Variants in CCDC170 observed in about 807,000 individuals in gnomAD.
CCDC170 encodes the protein coiled-coil domain containing 170, also known as coiled-coil domain-containing protein 170.
Under a neutral mutation model 72.6 loss-of-function variants are expected in CCDC170, and 69 were observed. The ratio of observed to expected loss-of-function variants is 0.95; its 90% CI spans 0.78 to 1.16. CCDC170 has a LOEUF of 1.16. Ranked by LOEUF, CCDC170 falls within the 50% of genes most tolerant of loss-of-function variation. The pLI is 0.00. For missense variants in CCDC170, 852 were observed against 832.5 expected, an observed-to-expected ratio of 1.02 and a Z score of -0.29; for synonymous variants, 300 against 303.9, an observed-to-expected ratio of 0.99 and a Z score of 0.13.
intron 5 of CCDC170, among the ~76,000 whole-genome samples, chr6:151,570,924 A>T (rs980416722): frequency 6.6e-6 from 1 of 152,220 alleles, no homozygotes; most frequent in Non-Finnish European, 1.5e-5. Context: ...GACCTTGAAA[A>T]GCAAAAGGCA....
At chr6:151,510,674 T>C (rs1240642908) in intron 1 of CCDC170, among the ~76,000 whole-genome samples, 1 of 152,162 alleles carries the variant, frequency 6.6e-6, no homozygotes, top group African/African-American at 2.4e-5. Context: ...AATCGTAAAT[T>C]AGATAGAAAG....
chr6:151,609,314 A>G (rs1333032938), intron 9 of CCDC170, among the ~76,000 whole-genome samples: 1 of 152,124 alleles, frequency 6.6e-6, no homozygotes, highest in Non-Finnish European at 1.5e-5. Flanking sequence ...GTCCTATCCC[A>G]TTCAGAGAGC....
intron 5 of CCDC170, among the ~76,000 whole-genome samples, chr6:151,553,994 C>G (rs1782930468): frequency 6.9e-6 from 1 of 145,896 alleles, no homozygotes; most frequent in South Asian, 2.3e-4. Flanking sequence ...CTACATAACT[C>G]AGCTTTTCTG....
chr6:151,587,071 AC>A (rs756723218), intron 7 of CCDC170, among the ~76,000 whole-genome samples: 5 of 152,216 alleles, frequency 3.3e-5, no homozygotes, highest in Non-Finnish European at 7.4e-5. Context: ...GGTGTGAGCC[AC>A]CGTGCCAGGC....
intron 1 of CCDC170, among the ~76,000 whole-genome samples, chr6:151,514,351 G>A (rs1368559802): frequency 8.6e-6 from 1 of 116,670 alleles, no homozygotes; most frequent in Non-Finnish European, 1.8e-5. Context: ...GAGGGAGGGA[G>A]GGAGGGAGGG....
At chr6:151,564,447 A>G (rs934035627) in intron 5 of CCDC170, among the ~76,000 whole-genome samples, 3 of 151,952 alleles carry the variant, frequency 2.0e-5, no homozygotes, top group Non-Finnish European at 2.9e-5. Flanking sequence ...ATTTGCTGGC[A>G]CTGGTCTTAG....
intron 9 of CCDC170, 113 bp downstream of exon 9, chr6:151,596,690 C>T (rs576235823): frequency 1.4e-6 from 2 of 1,422,896 alleles, no homozygotes; most frequent in South Asian, 1.5e-5. Flanking sequence ...TGAAAGCCTC[C>T]TCTGATTTTC....
Position 151,618,038 on chromosome 6 carries a change from A to G in CCDC170, c.2039A>G (p.Glu680Gly). ...GATTATGAAATCATCAAGTGTCTTG[A>G]AAGATTGGTCCATTCACATCAGCAT... ...LPDYEIIKCL[E>G]RLVHSHQHHF... The change falls in exon 11 of 11, where the codon GAA (glutamate) becomes GGA (glycine). Residue 680 changes from glutamate (E) to glycine (G), a missense_variant. Coordinates refer to ENST00000239374, the MANE Select transcript of CCDC170 (RefSeq NM_025059.4). 6.2e-7 allele frequency: 1 copy of G among 1,614,178 alleles called. No individual in the cohort carries two copies. Among genetic ancestry groups the G allele is most frequent in the Non-Finnish European group, 8.5e-7 (1 of 1,180,030 alleles).
At chr6:151,494,325 T>C in intron 1 of CCDC170, 140 bp downstream of exon 1, 1 of 928,616 alleles carries the variant, frequency 1.1e-6, no homozygotes, top group Non-Finnish European at 1.5e-6. Flanking sequence ...CCGCGAGGGC[T>C]GTGGCCTGGG....
intron 8 of CCDC170, among the ~76,000 whole-genome samples, chr6:151,596,125 T>TC (rs1343666285): frequency 1.3e-5 from 2 of 152,154 alleles, no homozygotes. Context: ...TTTCTGGGGC[T>TC]CTTTTGTCTC....
chr6:151,592,174 A>G (rs1776549870), intron 7 of CCDC170, among the ~76,000 whole-genome samples: 3 of 152,002 alleles, frequency 2.0e-5, no homozygotes, highest in African/African-American at 7.2e-5. Context: ...CCTGGCCAAT[A>G]TGGTGAAACC....
rs570468754 is a variant in CCDC170 at position 151,563,911 on chromosome 6, G to T, written c.775-9263G>T. ...TCTGCAGCTCAGCTTCTTTTTGTGGGCACTCTGACAGGTCCTGGCTCACTT... is the reference window on the plus strand; with the variant it reads ...TCTGCAGCTCAGCTTCTTTTTGTGGTCACTCTGACAGGTCCTGGCTCACTT... On this transcript the variant is annotated intron_variant, in intron 5 of 10. Coordinates refer to ENST00000239374, the MANE Select transcript of CCDC170 (RefSeq NM_025059.4). Among the ~76,000 whole-genome samples the T allele has an allele frequency of 1.0e-3, 154 of 152,204 alleles. 1 individual carries two copies. The highest frequency in any genetic ancestry group is 1.6e-3 in the Non-Finnish European group (109 of 67,998).
intron 4 of CCDC170, among the ~76,000 whole-genome samples, chr6:151,545,116 A>T (rs1782751356): frequency 6.6e-6 from 1 of 152,136 alleles, no homozygotes; most frequent in Non-Finnish European, 1.5e-5. Context: ...TACTTTAAAA[A>T]TTTACATTAA....
chr6:151,538,342 A>G (rs776737244), intron 3 of CCDC170, 41 bp downstream of exon 3: 7 of 1,543,112 alleles, frequency 4.5e-6, no homozygotes, highest in Non-Finnish European at 6.2e-6. Flanking sequence ...AGCTAGCATT[A>G]AAATACTAGC....
At position 151,538,300 on chromosome 6, in the gene CCDC170, C is replaced by A. The variant is rs1321367107; in HGVS notation, c.442C>A (p.Gln148Lys). The A allele has an allele frequency of 6.2e-7, 1 of 1,612,092 alleles. No homozygotes were observed. Among genetic ancestry groups the A allele is most frequent in the Non-Finnish European group, 8.5e-7 (1 of 1,179,226 alleles). ...AGTTGTAGAGTTAAATGAAAAATTA[C>A]AGTAAGGATACTGCAATATATTTTT... ...KKVVELNEKLQKCSKENEENK... is the reference protein window; with the variant it reads ...KKVVELNEKLKKCSKENEENK... Residue 148 changes from glutamine (Q) to lysine (K), a missense_variant and splice_region_variant, in exon 3 of 11, where the codon CAA (glutamine) becomes AAA (lysine). By Grantham distance (53) the Gln-to-Lys change is moderately conservative. Transcript: ENST00000239374.
intron 1 of CCDC170, among the ~76,000 whole-genome samples, chr6:151,533,276 G>C (rs576526330): frequency 5.9e-5 from 9 of 151,618 alleles, no homozygotes; most frequent in Admixed American, 2.6e-4. Context: ...GGATGGTCTC[G>C]ATCTCCTGAC....
At chr6:151,590,968 C>A (rs562326706) in intron 7 of CCDC170, among the ~76,000 whole-genome samples, 1 of 152,196 alleles carries the variant, frequency 6.6e-6, no homozygotes, top group African/African-American at 2.4e-5. Context: ...ACAGTGATAA[C>A]CTGAGGATGT....
At chr6:151,558,042 T>A (rs56054241) in intron 5 of CCDC170, among the ~76,000 whole-genome samples, 22,125 of 151,972 alleles carry the variant, frequency 0.15, 2,600 homozygotes, top group African/African-American at 0.33. Flanking sequence ...GAGGTTGCAC[T>A]GAGCCGAGAT....
chr6:151,533,313 CA>C (rs1319085117), intron 1 of CCDC170, among the ~76,000 whole-genome samples: 1 of 151,838 alleles, frequency 6.6e-6, no homozygotes, highest in Non-Finnish European at 1.5e-5. Flanking sequence ...CTTGGCCTCC[CA>C]AAGTGCTGGG....
Sources: allele counts gnomAD v4.1 joint callset (sites outside exome capture counted in the v4.1 genomes callset), GRCh38; gene constraint gnomAD v4.1.1; transcripts MANE v1.5; gene names NCBI Gene and HGNC (gene_info 2026-07-23, HGNC 2026-07-21).